CLNK: variants seen among roughly 807,000 people sequenced by gnomAD.
CLNK encodes the protein cytokine-dependent hematopoietic cell linker.
Under a neutral mutation model 68.6 loss-of-function variants are expected in CLNK, and 74 were observed. The observed-to-expected ratio is 1.08, with a 90% CI of 0.89 to 1.31. The LOEUF (loss-of-function observed/expected upper bound fraction) is 1.31. Ranked by LOEUF, CLNK falls within the 50% of genes most tolerant of loss-of-function variation. CLNK has a pLI of 0.00. For synonymous variants in CLNK, 198 were observed against 172.2 expected (o/e 1.15, Z -1.17); for missense variants, 553 against 515.3 (o/e 1.07, Z -0.71).
intron 18 of CLNK, among the ~76,000 whole-genome samples, chr4:10,492,593 C>T (rs1283818081): frequency 6.6e-6 from 1 of 152,122 alleles, no homozygotes; most frequent in Non-Finnish European, 1.5e-5. Flanking sequence ...AGGCTTCCCT[C>T]GGGGCTGTTG....
chr4:10,714,111 G>A, the CLNK span, among the ~76,000 whole-genome samples: 389 of 152,288 alleles, frequency 2.6e-3, 4 homozygotes, highest in East Asian at 0.015. Flanking sequence ...GGAGGAGAAA[G>A]AGCTGCAGCC....
chr4:10,663,909 G>A (rs1197931053), intron 2 of CLNK, among the ~76,000 whole-genome samples: 1 of 152,158 alleles, frequency 6.6e-6, no homozygotes, highest in African/African-American at 2.4e-5. Context: ...TTTACCATGT[G>A]AAGACACAGC....
chr4:10,506,860 C>T (rs988676517), intron 17 of CLNK, among the ~76,000 whole-genome samples: 9 of 152,048 alleles, frequency 5.9e-5, no homozygotes, highest in Non-Finnish European at 1.2e-4. Context: ...AGTGCGGTGG[C>T]GCGATCTCAG....
intron 14 of CLNK, among the ~76,000 whole-genome samples, chr4:10,523,186 G>T (rs551402103): frequency 3.9e-5 from 6 of 152,218 alleles, no homozygotes; most frequent in Non-Finnish European, 8.8e-5. Context: ...GAAGAGTGAC[G>T]ATGGGAAAGA....
chr4:10,648,661 C>T (rs1401463696), intron 2 of CLNK, among the ~76,000 whole-genome samples: 1 of 152,110 alleles, frequency 6.6e-6, no homozygotes, highest in Non-Finnish European at 1.5e-5. Flanking sequence ...AAGGTTTTGC[C>T]TGGGTTCACA....
upstream of CLNK, among the ~76,000 whole-genome samples, chr4:10,687,144 A>T (rs1429792543): frequency 6.6e-6 from 1 of 151,936 alleles, no homozygotes; most frequent in African/African-American, 2.4e-5. Flanking sequence ...TAACAAATAG[A>T]TATTTACATC....
Position 10,587,383 on chromosome 4 carries a change from G to T in CLNK, c.84-2428C>A, listed in dbSNP as rs187146887. 1.7e-3 allele frequency among the ~76,000 whole-genome samples: 265 copies of T among 152,286 alleles called. 1 individual carries two copies. The highest frequency in any genetic ancestry group is 6.0e-3 in the African/African-American group (249 of 41,562). Reference sequence around the variant, plus strand: ...TTGAAAAGCCCCGAGGCAGTGGAAGGCTCCCGAGGATGCTACTTCGGTGAG... The same window carrying T: ...TTGAAAAGCCCCGAGGCAGTGGAAGTCTCCCGAGGATGCTACTTCGGTGAG... On this transcript the variant is annotated intron_variant, in intron 3 of 18. Coordinates refer to ENST00000226951, the MANE Select transcript of CLNK (RefSeq NM_052964.4).
intron 18 of CLNK, 44 bp downstream of exon 18, chr4:10,501,212 G>A (rs982038789): frequency 1.3e-6 from 2 of 1,509,408 alleles, no homozygotes; most frequent in African/African-American, 2.9e-5. Context: ...TCCTTTATTT[G>A]TTGCGCTTAG....
At chr4:10,714,400 A>G in the CLNK span, among the ~76,000 whole-genome samples, 11 of 152,328 alleles carry the variant, frequency 7.2e-5, no homozygotes, top group Non-Finnish European at 1.2e-4. Flanking sequence ...CCAGTAAAGA[A>G]TCTTATTAAC....
intron 1 of CLNK, among the ~76,000 whole-genome samples, chr4:10,674,127 C>A (rs1724775856): frequency 6.6e-6 from 1 of 152,088 alleles, no homozygotes; most frequent in African/African-American, 2.4e-5. Context: ...GTCGACTCTG[C>A]TGTGGGGAAG....
intron 14 of CLNK, 128 bp from the exon 15 acceptor site, chr4:10,520,959 A>C: frequency 2.9e-6 from 2 of 688,778 alleles, no homozygotes; most frequent in Non-Finnish European, 5.2e-6. Context: ...ATTTTACTGG[A>C]TATGCTAGAA....
intron 13 of CLNK, among the ~76,000 whole-genome samples, chr4:10,527,166 C>A (rs1200709674): frequency 1.3e-5 from 2 of 152,174 alleles, no homozygotes; most frequent in Non-Finnish European, 2.9e-5. Flanking sequence ...TGTTAATAAT[C>A]ATTGTTGTGT....
At chr4:10,539,613 T>C (rs372014155) in intron 11 of CLNK, among the ~76,000 whole-genome samples, 9 of 152,350 alleles carry the variant, frequency 5.9e-5, no homozygotes, top group African/African-American at 2.2e-4. Flanking sequence ...AAATGAAATA[T>C]GCTCACTCGA....
At chr4:10,645,843 C>T (rs1420374459) in intron 2 of CLNK, among the ~76,000 whole-genome samples, 1 of 151,988 alleles carries the variant, frequency 6.6e-6, no homozygotes, top group Non-Finnish European at 1.5e-5. Flanking sequence ...AATTTTAATG[C>T]TCCCTACACA....
chr4:10,610,102 G>A (rs544383479), intron 2 of CLNK, among the ~76,000 whole-genome samples: 1 of 139,728 alleles, frequency 7.2e-6, no homozygotes, highest in South Asian at 2.3e-4. Context: ...TGTCGCCCAG[G>A]CGGGAGTGCT....
chr4:10,514,630 C>G (rs1292970288), intron 15 of CLNK, among the ~76,000 whole-genome samples: 1 of 150,950 alleles, frequency 6.6e-6, no homozygotes, highest in Non-Finnish European at 1.5e-5. Flanking sequence ...AAACGTTAGA[C>G]CAAAAACCAT....
At chr4:10,546,781 T>G (rs1719249909) in intron 8 of CLNK, among the ~76,000 whole-genome samples, 1 of 152,152 alleles carries the variant, frequency 6.6e-6, no homozygotes, top group Non-Finnish European at 1.5e-5. Flanking sequence ...GACAGAATAA[T>G]GGAAACTAGG....
intron 2 of CLNK, among the ~76,000 whole-genome samples, chr4:10,606,519 T>C (rs2720351): frequency 0.96 from 145,770 of 152,252 alleles, 69,912 homozygotes; most frequent in East Asian, 1. Flanking sequence ...AGTAACATAG[T>C]CATTTATTAT....
intron 1 of CLNK, among the ~76,000 whole-genome samples, chr4:10,679,557 C>T (rs1448726461): frequency 6.6e-6 from 1 of 152,112 alleles, no homozygotes; most frequent in East Asian, 1.9e-4. Context: ...GCAAAAGAAA[C>T]TACCATCAGA....
Sources: allele counts gnomAD v4.1 joint callset (sites outside exome capture counted in the v4.1 genomes callset), GRCh38; gene constraint gnomAD v4.1.1; transcripts MANE v1.5; gene names NCBI Gene and HGNC (gene_info 2026-07-23, HGNC 2026-07-21).